Variants in ZC3HC1 observed in about 807,000 individuals in gnomAD.
The protein encoded by ZC3HC1 is zinc finger C3HC-type containing 1.
In ZC3HC1, 38 loss-of-function variants were observed where a neutral mutation model predicts 61.9. The observed-to-expected ratio is 0.61, with a 90% confidence interval of 0.47 to 0.81. The LOEUF (loss-of-function observed/expected upper bound fraction) is 0.81, where lower values mean the gene tolerates loss of function less well. ZC3HC1 is among the 30% of genes least tolerant of loss of function. The pLI is 0.00. For synonymous variants in ZC3HC1, 213 were observed against 229.9 expected (o/e 0.93, Z 0.67); for missense variants, 554 against 622.7 (o/e 0.89, Z 1.17).
rs140764417 is a variant in ZC3HC1, at chr7:130,018,727, G to C, written c.1446C>G (p.Leu482=). Residue 482 remains leucine (L), a synonymous_variant, in exon 10 of 10, where the codon CTC becomes CTG. Coordinates refer to ENST00000358303, the MANE Select transcript of ZC3HC1 (RefSeq NM_016478.5). Reference sequence around the variant, plus strand: ...GGAATACTTTCCTTGATTTCTCAGAGAGACTCTGTAGGTAGAAAAGCTTAT... The same window carrying C: ...GGAATACTTTCCTTGATTTCTCAGACAGACTCTGTAGGTAGAAAAGCTTAT... ...SQPAETDSMS[L]SEKSRKVFRI... is the part of the protein sequence containing the mutation. The C allele has an allele frequency of 6.9e-5, 112 of 1,612,400 alleles. No individual in the cohort carries two copies. The highest frequency in any genetic ancestry group is 8.4e-5 in the Non-Finnish European group (99 of 1,178,742).
Position 130,023,736 on chromosome 7 carries a change from G to A in ZC3HC1, c.1021-13C>T. The A allele has an allele frequency of 6.3e-7, 1 of 1,596,188 alleles. No homozygotes were observed. The highest frequency in any genetic ancestry group is 8.6e-7 in the Non-Finnish European group (1 of 1,165,144). ...GGCTCTTTTCAGCCTGAAGGAAAGG[G>A]GAGATAATGGAAGTACACGAATGAT... On this transcript the variant is annotated splice_polypyrimidine_tract_variant and intron_variant, in intron 7 of 9. Transcript: ENST00000358303. The surrounding 1 kb of genome is among the most constrained non-coding windows in gnomAD (Gnocchi z 4.2).
intron 4 of ZC3HC1, among the ~76,000 whole-genome samples, chr7:130,035,604 C>G (rs752786537): frequency 3.3e-5 from 5 of 151,914 alleles, no homozygotes; most frequent in African/African-American, 4.8e-5. Context: ...CCTCAACATC[C>G]CCTAGTAGCT....
Position 130,023,796 on chromosome 7 carries a change from A to C in ZC3HC1, c.1021-73T>G. The C allele has an allele frequency of 7.6e-7, 1 of 1,321,590 alleles. No individual in the cohort carries two copies. Among genetic ancestry groups the C allele is most frequent in the Non-Finnish European group, 1.0e-6 (1 of 962,194 alleles). 81.9% of individuals were successfully genotyped at this position (1,321,590 alleles called of 1,614,324 possible). ...TATGGTCAGAAATACTTCTTTCTTT[A>C]ATCTTTTTTCTTTTTTTTTTTGAGA... On this transcript the variant is annotated intron_variant, in intron 7 of 9. Coordinates refer to ENST00000358303, the MANE Select transcript of ZC3HC1 (RefSeq NM_016478.5). This position sits in a 1 kb window ranked among gnomAD's most constrained non-coding sequence, Gnocchi z 4.2.
At chr7:130,020,864 C>T (rs1392824080) in intron 9 of ZC3HC1, among the ~76,000 whole-genome samples, 2 of 151,912 alleles carry the variant, frequency 1.3e-5, no homozygotes, top group Non-Finnish European at 2.9e-5. Context: ...CTTGGAAAAC[C>T]TTCACCTGCA....
chr7:130,043,301 C>T (rs1330018139), intron 2 of ZC3HC1: 1 of 151,804 alleles, frequency 6.6e-6, no homozygotes, highest in East Asian at 1.9e-4. Flanking sequence ...ACCTGAAGAG[C>T]TCTTATTTCA....
chr7:130,032,008 G>A (rs1470296874), intron 4 of ZC3HC1, among the ~76,000 whole-genome samples: 2 of 152,128 alleles, frequency 1.3e-5, no homozygotes, highest in African/African-American at 4.8e-5. Flanking sequence ...GGCGGATCAC[G>A]AGGTCAGCAG....
intron 1 of ZC3HC1, among the ~76,000 whole-genome samples, chr7:130,050,919 C>CA (rs932285373): frequency 1.1e-4 from 16 of 152,002 alleles, no homozygotes; most frequent in Non-Finnish European, 1.6e-4. Context: ...GTCCACGGCA[C>CA]AAAAAAAGGT....
chr7:130,019,973 C>G (rs998682417), intron 9 of ZC3HC1, among the ~76,000 whole-genome samples: 1 of 151,718 alleles, frequency 6.6e-6, no homozygotes, highest in African/African-American at 2.4e-5. Flanking sequence ...TATGCCACCA[C>G]GCCCAGCTAA....
At chr7:130,026,811 T>C (rs1793929646) in intron 5 of ZC3HC1, 1 of 151,236 alleles carries the variant, frequency 6.6e-6, no homozygotes, top group Non-Finnish European at 1.5e-5. Flanking sequence ...CTACTAAAAA[T>C]ACAAAAAAAT....
In ZC3HC1 at chr7:130,022,498, G is replaced by T; in HGVS notation, c.1261C>A (p.Pro421Thr). The T allele has an allele frequency of 6.2e-7, 1 of 1,613,800 alleles. No homozygotes were observed. Among genetic ancestry groups the T allele is most frequent in the Non-Finnish European group, 8.5e-7 (1 of 1,179,846 alleles). ...SDTSSRSFFD[P>T]TSQHRDWCPW... ...CACCAGTCTCTATGCTGAGAGGTGG[G>T]ATCAAAGAAGCTTCGGGAAGATGTG... Residue 421 changes from proline to threonine, a missense_variant, in exon 9 of 10, where the codon CCC becomes ACC. Transcript: ENST00000358303.
chr7:130,050,831 T>C (rs976456329), intron 1 of ZC3HC1, among the ~76,000 whole-genome samples: 1 of 152,240 alleles, frequency 6.6e-6, no homozygotes, highest in African/African-American at 2.4e-5. Flanking sequence ...ACTGGTTTCC[T>C]TTATAATCCT....
intron 4 of ZC3HC1, among the ~76,000 whole-genome samples, chr7:130,032,222 T>TAAA (rs71175066): frequency 6.9e-6 from 1 of 144,088 alleles, no homozygotes; most frequent in Non-Finnish European, 1.5e-5. Context: ...AGATTCCCTC[T>TAAA]AAAAAAAAAA....
At chr7:130,049,839 A>T (rs1002187187) in intron 1 of ZC3HC1, among the ~76,000 whole-genome samples, 2 of 151,074 alleles carry the variant, frequency 1.3e-5, no homozygotes, top group East Asian at 2.0e-4. Context: ...CGTGAGCCAC[A>T]GCGCCTGGCA....
At chr7:130,051,084 AG>A in intron 1 of ZC3HC1, 136 bp downstream of exon 1, 1 of 1,182,294 alleles carries the variant, frequency 8.5e-7, no homozygotes, top group South Asian at 1.8e-5. Flanking sequence ...TAGTAACCAG[AG>A]TTTCTTTCAG....
In ZC3HC1 at chr7:130,023,784, ACTT is replaced by A; in HGVS notation, c.1021-64_1021-62del. The A allele has an allele frequency of 5.9e-6, 8 of 1,364,222 alleles. No individual in the cohort carries two copies. The highest frequency in any genetic ancestry group is 8.1e-6 in the Non-Finnish European group (8 of 989,644). The allele number at this position is 1,364,222 out of a possible 1,614,324, so 84.5% of individuals were successfully genotyped here. ...GATATTAATGATTATGGTCAGAAATACTTCTTTCTTTAATCTTTTTTCTTTTTT... is the reference window on the plus strand; with the variant it reads ...GATATTAATGATTATGGTCAGAAATACTTTCTTTAATCTTTTTTCTTTTTT... On this transcript the variant is annotated intron_variant, in intron 7 of 9. Transcript: ENST00000358303. The surrounding 1 kb of genome is among the most constrained non-coding windows in gnomAD (Gnocchi z 4.2).
At chr7:130,026,544 C>G (rs1793918133) in intron 5 of ZC3HC1, 1 of 403,240 alleles carries the variant, frequency 2.5e-6, no homozygotes, top group South Asian at 5.3e-5. Context: ...CTCCCTGGAA[C>G]TGCCAAAACT....
At chr7:130,035,354 T>C (rs954862807) in intron 4 of ZC3HC1, among the ~76,000 whole-genome samples, 6 of 142,568 alleles carry the variant, frequency 4.2e-5, no homozygotes, top group African/African-American at 1.1e-4. Context: ...ATCAAGCCAC[T>C]GCACTCAAGT....
At chr7:130,040,813 AAAAAAAAAAAGATT>A (rs912013800) in intron 3 of ZC3HC1, 124 bp downstream of exon 3, 28 of 1,015,786 alleles carry the variant, frequency 2.8e-5, no homozygotes, top group Non-Finnish European at 3.4e-5. Context: ...CATCTCAAAA[AAAAAAAAAAAGATT>A]AAAAAAAAAG....
At chr7:130,042,504 A>G (rs1165511540) in intron 2 of ZC3HC1, among the ~76,000 whole-genome samples, 2 of 151,964 alleles carry the variant, frequency 1.3e-5, no homozygotes, top group African/African-American at 4.8e-5. Context: ...TACCCCATCC[A>G]TTTTTACTTT....
Sources: allele counts gnomAD v4.1 joint callset (sites outside exome capture counted in the v4.1 genomes callset), GRCh38; gene constraint gnomAD v4.1.1; non-coding constraint Gnocchi (gnomAD v3.1); transcripts MANE v1.5; gene names NCBI Gene and HGNC (gene_info 2026-07-23, HGNC 2026-07-21).